Variants in HMCN1 observed in about 807,000 individuals in gnomAD.
The protein encoded by HMCN1 is hemicentin-1.
HMCN1 carries 321 observed loss-of-function variants against 625.9 expected under a neutral mutation model. The ratio of observed to expected loss-of-function variants is 0.51; its 90% CI spans 0.47 to 0.56. The LOEUF (loss-of-function observed/expected upper bound fraction) is 0.56. HMCN1 is among the 20% of genes least tolerant of loss of function. The probability of loss-of-function intolerance (pLI) is 0.00; values close to 1 mark genes in which losing one functional copy is unlikely to be tolerated. For missense variants in HMCN1, 6,588 were observed against 6,887.3 expected (o/e 0.96, Z 1.54); for synonymous variants, 2,425 against 2,417.6 (o/e 1.00, Z -0.09).
intron 4 of HMCN1, 31 bp from the exon 5 acceptor site, chr1:185,909,306 T>C (rs1283919490): frequency 6.4e-7 from 1 of 1,567,892 alleles, no homozygotes; most frequent in South Asian, 1.1e-5. Context: ...TGTTTTCTGA[T>C]ATCACTTACA....
At chr1:186,071,276 T>C (rs567564277) in intron 52 of HMCN1, among the ~76,000 whole-genome samples, 6 of 152,266 alleles carry the variant, frequency 3.9e-5, no homozygotes, top group Admixed American at 1.3e-4. Context: ...AAAGGTAATG[T>C]TTTAAAATAT....
At chr1:186,033,076 A>ACACACGCACACACACACC (rs1655579097) in intron 36 of HMCN1, among the ~76,000 whole-genome samples, 1 of 151,940 alleles carries the variant, frequency 6.6e-6, no homozygotes, top group African/African-American at 2.4e-5. Flanking sequence ...ACACACACAC[A>ACACACGCACACACACACC]CACACACACA....
intron 1 of HMCN1, among the ~76,000 whole-genome samples, chr1:185,803,204 G>GAAAAAAAAAAAAAAAAAAAAAA (rs1557981375): frequency 4.6e-4 from 11 of 23,712 alleles, no homozygotes; most frequent in African/African-American, 1.0e-3. Flanking sequence ...AAAAAAAAAA[G>GAAAAAAAAAAAAAAAAAAAAAA]CAAAAAAAAA....
At chr1:185,784,515 T>C (rs1657417949) in intron 1 of HMCN1, among the ~76,000 whole-genome samples, 1 of 152,120 alleles carries the variant, frequency 6.6e-6, no homozygotes, top group South Asian at 2.1e-4. Context: ...TTTCTCTTTT[T>C]TTTTTGCCTT....
chr1:185,737,050 C>G (rs1653625650), intron 1 of HMCN1, among the ~76,000 whole-genome samples: 1 of 152,026 alleles, frequency 6.6e-6, no homozygotes, highest in South Asian at 2.1e-4. Context: ...CTTTAGTATT[C>G]ACTTTACTAG....
rs1200593475 is a variant in HMCN1, at chr1:186,133,320, A to C, written c.13312+911A>C. On this transcript the variant is annotated intron_variant, in intron 86 of 106. Coordinates refer to ENST00000271588, the MANE Select transcript of HMCN1 (RefSeq NM_031935.3). ...TTATGGCACTTTAAGATATTTATTA[A>C]AAATAAAGACTAATGTAAAGGAGCT... 2.0e-5 allele frequency among the ~76,000 whole-genome samples: 3 copies of C among 152,338 alleles called. No homozygotes were observed. The East Asian group carries it at 5.8e-4, about 29-fold the overall frequency.
At position 185,971,817 on chromosome 1, in the gene HMCN1, G is replaced by T. The variant is rs541991549; in HGVS notation, c.2371+1324G>T. Among the ~76,000 whole-genome samples the T allele has an allele frequency of 7.2e-4, 110 of 152,144 alleles. 1 individual carries two copies. The highest frequency in any genetic ancestry group is 1.3e-3 in the Non-Finnish European group (89 of 68,004). ...TGCATTCTTGGTGATTATGCCCTTG[G>T]GGGAGAATCAACAAAGCTGGAAATG... On this transcript the variant is annotated intron_variant, in intron 15 of 106. Coordinates refer to ENST00000271588, the MANE Select transcript of HMCN1 (RefSeq NM_031935.3).
intron 86 of HMCN1, among the ~76,000 whole-genome samples, chr1:186,133,876 C>T (rs947441197): frequency 1.1e-4 from 16 of 145,614 alleles, no homozygotes; most frequent in African/African-American, 3.9e-4. Flanking sequence ...ACTATGTGCT[C>T]AGCCCTCCTT....
At chr1:185,779,345 G>C (rs1656878098) in intron 1 of HMCN1, among the ~76,000 whole-genome samples, 1 of 152,192 alleles carries the variant, frequency 6.6e-6, no homozygotes, top group Non-Finnish European at 1.5e-5. Context: ...CAGCTCTTGA[G>C]TTTAATTAGA....
intron 105 of HMCN1, among the ~76,000 whole-genome samples, chr1:186,186,540 A>AC (rs1207511549): frequency 6.6e-6 from 1 of 152,154 alleles, no homozygotes. Flanking sequence ...AAATAAAATA[A>AC]AATAGAGAGC....
chr1:185,811,762 G>A (rs1281447249), intron 1 of HMCN1, among the ~76,000 whole-genome samples: 1 of 151,808 alleles, frequency 6.6e-6, no homozygotes, highest in Non-Finnish European at 1.5e-5. Flanking sequence ...ATATACATAG[G>A]CATGTGCCTT....
chr1:186,048,233 A>C (rs1288149177), intron 41 of HMCN1, among the ~76,000 whole-genome samples: 1 of 152,130 alleles, frequency 6.6e-6, no homozygotes, highest in Non-Finnish European at 1.5e-5. Flanking sequence ...AATACATGAA[A>C]AATATTTACT....
At chr1:185,811,781 T>G (rs1300262216) in intron 1 of HMCN1, among the ~76,000 whole-genome samples, 3 of 152,186 alleles carry the variant, frequency 2.0e-5, no homozygotes, top group Non-Finnish European at 4.4e-5. Flanking sequence ...TTCATTGGAT[T>G]GTTTTAGCAA....
At position 186,039,606 on chromosome 1, in the gene HMCN1, C is replaced by A. The variant is rs564799956; in HGVS notation, c.6029-122C>A. ...AATAAGAGAGATGTGAAAGAACTTACCAAAAAACAAGCAAACCCTCCAATA... is the reference window on the plus strand; with the variant it reads ...AATAAGAGAGATGTGAAAGAACTTAACAAAAAACAAGCAAACCCTCCAATA... On this transcript the variant is annotated intron_variant, in intron 38 of 106. Transcript: ENST00000271588. 1.6e-3 allele frequency: 1,657 copies of A among 1,052,198 alleles called. 1 individual carries two copies. Among genetic ancestry groups the A allele is most frequent in the Non-Finnish European group, 2.2e-3 (1,466 of 679,000 alleles). The allele number at this position is 1,052,198 out of a possible 1,614,324, so 65.2% of individuals were successfully genotyped here.
At chr1:186,178,354 G>C (rs1267645786) in intron 103 of HMCN1, 62 bp from the exon 104 acceptor site, 1 of 1,155,754 alleles carries the variant, frequency 8.7e-7, no homozygotes. Context: ...CTTTATTCCT[G>C]TGTTTTGTGT....
intron 52 of HMCN1, among the ~76,000 whole-genome samples, chr1:186,072,152 T>G (rs1571308292): frequency 6.6e-6 from 1 of 152,286 alleles, no homozygotes; most frequent in South Asian, 2.1e-4. Flanking sequence ...ATTTTAAAAT[T>G]TATTTTCCAT....
chr1:185,740,125 G>A (rs1653877763), intron 1 of HMCN1, among the ~76,000 whole-genome samples: 1 of 152,128 alleles, frequency 6.6e-6, no homozygotes. Flanking sequence ...TTCAGGAAAG[G>A]GCTCGTAGTC....
intron 48 of HMCN1, among the ~76,000 whole-genome samples, chr1:186,064,362 A>G (rs1211301125): frequency 6.6e-6 from 1 of 152,104 alleles, no homozygotes; most frequent in Non-Finnish European, 1.5e-5. Flanking sequence ...ATTAAAGAAT[A>G]ATTAATATAT....
chr1:186,016,174 A>T lies in HMCN1; in HGVS notation c.5126A>T (p.Gln1709Leu). The change falls in exon 32 of 107, where the codon CAG becomes CTG. Residue 1709 changes from glutamine (Q) to leucine (L), a missense_variant. By Grantham distance (113) the Gln-to-Leu change is moderately radical (BLOSUM62 -2). This residue lies in a region of HMCN1 where 4,628 missense variants were observed against 4,853.1 expected (regional missense o/e 0.95). Coordinates refer to ENST00000271588, the MANE Select transcript of HMCN1 (RefSeq NM_031935.3). ...AGTGCCCAAGAAATTGATCGAGGACAGTACATATGCGTGGCTACCAGTGTG... is the reference window on the plus strand; with the variant it reads ...AGTGCCCAAGAAATTGATCGAGGACTGTACATATGCGTGGCTACCAGTGTG... ...IMSAQEIDRG[Q>L]YICVATSVAG... is the part of the protein sequence containing the mutation. 3 of 1,613,480 alleles carry T rather than the reference A, an allele frequency of 1.9e-6. No individual in the cohort carries two copies. Among genetic ancestry groups the T allele is most frequent in the Non-Finnish European group, 1.7e-6 (2 of 1,179,526 alleles).
Sources: allele counts gnomAD v4.1 joint callset (sites outside exome capture counted in the v4.1 genomes callset), GRCh38; gene constraint gnomAD v4.1.1; regional missense constraint gnomAD v4.1.1; transcripts MANE v1.5; gene names NCBI Gene and HGNC (gene_info 2026-07-23, HGNC 2026-07-21).